ZBTB8OS: variants seen among roughly 807,000 people sequenced by gnomAD.
ZBTB8OS encodes tRNA-splicing ligase-activating factor archease.
A neutral mutation model predicts 29.3 loss-of-function variants in ZBTB8OS; 16 were observed. The ratio of observed to expected loss-of-function variants is 0.55; its 90% CI spans 0.37 to 0.83. The LOEUF is 0.83. Among genes scored for constraint, ZBTB8OS ranks in the 40% least tolerant of loss-of-function variants. ZBTB8OS has a pLI of 0.00. For synonymous variants in ZBTB8OS, 70 were observed against 64.6 expected, an observed-to-expected ratio of 1.08 and a Z score of -0.40; for missense variants, 160 against 196.9, an observed-to-expected ratio of 0.81 and a Z score of 1.12.
At chr1:32,631,991 C>CA in intron 4 of ZBTB8OS, 112 bp from the exon 5 acceptor site, 1 of 240,144 alleles carries the variant, frequency 4.2e-6, no homozygotes, top group Non-Finnish European at 7.9e-6. Context: ...ATTGGTAAAA[C>CA]CTTTTTTTTT....
At position 32,638,463 on chromosome 1, in the gene ZBTB8OS, T is replaced by G. The variant is rs193237279; in HGVS notation, c.98-3671A>C. On this transcript the variant is annotated intron_variant, in intron 1 of 6. Coordinates refer to ENST00000468695, the MANE Select transcript of ZBTB8OS (RefSeq NM_178547.5). ...ACCTCAGCCTCCCAAAAGCTGGGAT[T>G]ACAGGCGTGAGCCACTGCGACCAGC... 5.5e-4 allele frequency among the ~76,000 whole-genome samples: 84 copies of G among 152,228 alleles called. 1 individual carries two copies. Among genetic ancestry groups the G allele is most frequent in the African/African-American group, 1.9e-3 (79 of 41,560 alleles).
intron 6 of ZBTB8OS, among the ~76,000 whole-genome samples, chr1:32,623,557 A>G (rs767824061): frequency 1.2e-4 from 18 of 152,126 alleles, no homozygotes; most frequent in African/African-American, 4.1e-4. Flanking sequence ...CCTGATTGCA[A>G]TGAATGGCTT....
intron 1 of ZBTB8OS, among the ~76,000 whole-genome samples, chr1:32,647,216 A>G (rs990143488): frequency 1.3e-5 from 2 of 150,112 alleles, no homozygotes; most frequent in Non-Finnish European, 2.9e-5. Flanking sequence ...TAAAAATACA[A>G]AATTAGCCAG....
chr1:32,645,459 G>A (rs1009710826), intron 1 of ZBTB8OS, among the ~76,000 whole-genome samples: 5 of 152,144 alleles, frequency 3.3e-5, no homozygotes, highest in Admixed American at 1.3e-4. Context: ...CCATGACAGC[G>A]CCACTATACT....
chr1:32,643,557 A>G (rs530130326), intron 1 of ZBTB8OS, among the ~76,000 whole-genome samples: 11 of 151,178 alleles, frequency 7.3e-5, no homozygotes, highest in Admixed American at 2.0e-4. Flanking sequence ...GTGCAGTGGC[A>G]TGATCTCGGC....
rs528387755 is a variant in ZBTB8OS, at chr1:32,621,167, A to C, written c.*695T>G. The C allele has an allele frequency of 1.3e-5, 2 of 152,154 alleles. No homozygotes were observed. Among genetic ancestry groups the C allele is most frequent in the Non-Finnish European group, 2.9e-5 (2 of 68,032 alleles). 9.4% of individuals were successfully genotyped at this position (152,154 alleles called of 1,614,324 possible). A position where few individuals can be genotyped will look rare whatever the true frequency, so the allele number is the denominator to read the frequency against. ...TGTAATCGCAGTACCTTGGGAGGCC[A>C]AGGTGGGCGGATCACAAGGTCAGGA... On this transcript the variant is annotated 3_prime_UTR_variant, in exon 7 of 7. Transcript: ENST00000468695.
rs2148423685 is a variant in ZBTB8OS, at chr1:32,640,315, T to G, written c.98-5523A>C. Among the ~76,000 whole-genome samples, 5 of 152,242 alleles carry G rather than the reference T, an allele frequency of 3.3e-5. No individual in the cohort carries two copies. The Middle Eastern group carries it at 0.01, about 311-fold the overall frequency. The stretch of plus-strand genomic sequence containing the variant: ...CGGGGTTTCACCATGTTAGTCAGAC[T>G]GGTCTCGAACTCCTGACCTCAGGCA... On this transcript the variant is annotated intron_variant, in intron 1 of 6. Transcript: ENST00000468695.
chr1:32,643,713 T>C (rs1395291336), intron 1 of ZBTB8OS, among the ~76,000 whole-genome samples: 1 of 152,010 alleles, frequency 6.6e-6, no homozygotes, highest in East Asian at 1.9e-4. Flanking sequence ...GCCAGGCTGG[T>C]CTTGAACTCC....
chr1:32,634,645 C>A, intron 2 of ZBTB8OS, 123 bp downstream of exon 2: 2 of 1,304,598 alleles, frequency 1.5e-6, no homozygotes, highest in East Asian at 2.3e-5. Flanking sequence ...TTCAAACCAT[C>A]ATTTTCATAT....
chr1:32,647,081 C>T (rs1461788343), intron 1 of ZBTB8OS, among the ~76,000 whole-genome samples: 4 of 124,402 alleles, frequency 3.2e-5, no homozygotes, highest in Admixed American at 8.6e-5. Context: ...AAATGCCAGG[C>T]GTGGTGGCTT....
Position 32,648,711 on chromosome 1 carries a change from T to C in ZBTB8OS, c.97+1722A>G, listed in dbSNP as rs571669977. 2.0e-4 allele frequency among the ~76,000 whole-genome samples: 31 copies of C among 152,274 alleles called. 1 individual carries two copies. Among genetic ancestry groups the C allele is most frequent in the Admixed American group, 3.9e-4 (6 of 15,286 alleles). On this transcript the variant is annotated intron_variant, in intron 1 of 6. Transcript: ENST00000468695. ...TCTGGCTCTGTCGCCCAGGCTGGAG[T>C]GCAGTGGTGCAATCTCGGCTCACTG...
At chr1:32,647,093 C>CG (rs1438367859) in intron 1 of ZBTB8OS, among the ~76,000 whole-genome samples, 1 of 132,244 alleles carries the variant, frequency 7.6e-6, no homozygotes, top group Admixed American at 8.1e-5. Context: ...TGGTGGCTTA[C>CG]GCCTGTAATC....
At chr1:32,641,010 C>CAAAAA (rs530189429) in intron 1 of ZBTB8OS, among the ~76,000 whole-genome samples, 1 of 104,786 alleles carries the variant, frequency 9.5e-6, no homozygotes, top group Non-Finnish European at 1.8e-5. Flanking sequence ...ACTAAAAATA[C>CAAAAA]AAAAAAAAAA....
At chr1:32,636,078 CG>C (rs1430366938) in intron 1 of ZBTB8OS, among the ~76,000 whole-genome samples, 2 of 152,136 alleles carry the variant, frequency 1.3e-5, no homozygotes, top group Non-Finnish European at 2.9e-5. Flanking sequence ...CACCCAGACT[CG>C]TTATCTGGCT....
intron 1 of ZBTB8OS, among the ~76,000 whole-genome samples, chr1:32,640,844 T>A (rs2148427076): frequency 6.6e-6 from 1 of 152,088 alleles, no homozygotes; most frequent in South Asian, 2.1e-4. Flanking sequence ...ACAAATATTG[T>A]CAGCTATTTT....
At chr1:32,638,573 G>A (rs1646168340) in intron 1 of ZBTB8OS, among the ~76,000 whole-genome samples, 1 of 152,066 alleles carries the variant, frequency 6.6e-6, no homozygotes, top group Admixed American at 6.6e-5. Flanking sequence ...TGACCATACT[G>A]CAAATTTTAA....
At chr1:32,647,041 CAAAAAAAAAAAA>C (rs71006347) in intron 1 of ZBTB8OS, among the ~76,000 whole-genome samples, 17 of 39,392 alleles carry the variant, frequency 4.3e-4, no homozygotes, top group African/African-American at 6.9e-4. Context: ...GATACTGTCT[CAAAAAAAAAAAA>C]AAAAAAAAAA....
intron 1 of ZBTB8OS, among the ~76,000 whole-genome samples, chr1:32,643,724 T>A (rs1646616143): frequency 6.6e-6 from 1 of 151,864 alleles, no homozygotes; most frequent in Non-Finnish European, 1.5e-5. Context: ...CTTGAACTCC[T>A]GACCTCGTAA....
At chr1:32,634,370 G>A (rs749390621) in intron 2 of ZBTB8OS, 16 of 307,134 alleles carry the variant, frequency 5.2e-5, no homozygotes, top group South Asian at 7.9e-5. Context: ...GGGATTACAG[G>A]CAGGCACCAC....
Sources: allele counts gnomAD v4.1 joint callset (sites outside exome capture counted in the v4.1 genomes callset), GRCh38; gene constraint gnomAD v4.1.1; transcripts MANE v1.5; gene names NCBI Gene and HGNC (gene_info 2026-07-23, HGNC 2026-07-21).